GLG1: variants seen among roughly 807,000 people sequenced by gnomAD.
The protein encoded by GLG1 is golgi glycoprotein 1.
Under a neutral mutation model 160.5 loss-of-function variants are expected in GLG1, and 38 were observed. The ratio of observed to expected loss-of-function variants is 0.24; its 90% confidence interval spans 0.18 to 0.31. GLG1 has a LOEUF of 0.31. GLG1 is among the 10% of genes least tolerant of loss of function. The pLI, the probability that GLG1 is intolerant of heterozygous loss-of-function variation, is 1.00. For synonymous variants in GLG1, 644 were observed against 543.4 expected (o/e 1.19, Z -2.57); for missense variants, 1,373 against 1,505.2 (o/e 0.91, Z 1.45).
chr16:74,480,374 C>T lies in GLG1; in HGVS notation c.1694G>A (p.Arg565His), dbSNP rs750934371. The T allele has an allele frequency of 5.8e-5, 94 of 1,612,830 alleles. No individual in the cohort carries two copies. In the South Asian group the frequency reaches 6.7e-4, roughly 11 times the overall value. ...ACGAGAAGCGTCTCCCTGGCACTTGCGGTACAGGACAGGGTCCAGCCTATA... is the reference window on the plus strand; with the variant it reads ...ACGAGAAGCGTCTCCCTGGCACTTGTGGTACAGGACAGGGTCCAGCCTATA... ...RDWKLDPVLYRKCQGDASRLC... is the reference protein window; with the variant it reads ...RDWKLDPVLYHKCQGDASRLC... The change falls in exon 11 of 26, where the codon CGC becomes CAC. Residue 565 changes from arginine to histidine, a missense_variant. Arg to His is a conservative substitution (Grantham distance 29). Transcript: ENST00000422840.
At chr16:74,583,340 A>G (rs915511317) in intron 1 of GLG1, among the ~76,000 whole-genome samples, 1 of 152,200 alleles carries the variant, frequency 6.6e-6, no homozygotes, top group Non-Finnish European at 1.5e-5. Flanking sequence ...AATTCAGCAC[A>G]AATTACATAT....
At chr16:74,477,134 A>C (rs1387331057) in intron 12 of GLG1, among the ~76,000 whole-genome samples, 2 of 152,202 alleles carry the variant, frequency 1.3e-5, no homozygotes, top group Non-Finnish European at 2.9e-5. Flanking sequence ...AAGTTTTAAT[A>C]AGCAACAGGA....
chr16:74,469,266 G>C lies in GLG1; in HGVS notation c.2319-203C>G. The C allele has an allele frequency of 6.8e-6, 4 of 588,774 alleles. No homozygotes were observed. In the South Asian group the frequency reaches 8.0e-5, roughly 12 times the overall value. 36.5% of individuals were successfully genotyped at this position (588,774 alleles called of 1,614,324 possible). A position where few individuals can be genotyped will look rare whatever the true frequency, so the allele number is the denominator to read the frequency against. On this transcript the variant is annotated intron_variant, in intron 16 of 25. Transcript: ENST00000422840. ...TGTCATGAAAGGCAGGCAGCAGCAT[G>C]AATGCTGACTACATTCCTGACAGAA...
intron 2 of GLG1, among the ~76,000 whole-genome samples, chr16:74,511,430 T>A (rs901615710): frequency 6.6e-6 from 1 of 152,082 alleles, no homozygotes; most frequent in African/African-American, 2.4e-5. Flanking sequence ...GGTAGGTGGA[T>A]AACCTGAGGT....
At chr16:74,521,685 C>T (rs1378487760) in intron 2 of GLG1, among the ~76,000 whole-genome samples, 2 of 152,136 alleles carry the variant, frequency 1.3e-5, no homozygotes, top group African/African-American at 4.8e-5. Flanking sequence ...CAGCTAAAGT[C>T]TGAGGTTCTA....
At chr16:74,530,575 A>G (rs2017500974) in intron 2 of GLG1, among the ~76,000 whole-genome samples, 1 of 151,996 alleles carries the variant, frequency 6.6e-6, no homozygotes, top group Non-Finnish European at 1.5e-5. Context: ...TAGTTTTTTG[A>G]TCTATGGGCT....
chr16:74,493,861 T>C (rs2016088155), intron 6 of GLG1, among the ~76,000 whole-genome samples: 1 of 152,080 alleles, frequency 6.6e-6, no homozygotes, highest in Admixed American at 6.6e-5. Flanking sequence ...TAAAATTCTC[T>C]GATTTTACTC....
At chr16:74,514,141 G>C (rs921819372) in intron 2 of GLG1, among the ~76,000 whole-genome samples, 6 of 152,192 alleles carry the variant, frequency 3.9e-5, no homozygotes, top group African/African-American at 1.2e-4. Flanking sequence ...GGCACTATGT[G>C]AAAAGACCAA....
intron 7 of GLG1, among the ~76,000 whole-genome samples, chr16:74,492,183 G>A (rs1282474389): frequency 1.4e-5 from 2 of 147,038 alleles, no homozygotes; most frequent in African/African-American, 5.0e-5. Context: ...TCAGGAGATC[G>A]AGACTATCAT....
chr16:74,494,227 A>T (rs542056593), intron 6 of GLG1, among the ~76,000 whole-genome samples: 1 of 152,024 alleles, frequency 6.6e-6, no homozygotes, highest in South Asian at 2.1e-4. Context: ...CACCACAGTG[A>T]GAACCCTACT....
chr16:74,538,635 C>T (rs1477624756), intron 1 of GLG1, among the ~76,000 whole-genome samples: 1 of 152,034 alleles, frequency 6.6e-6, no homozygotes, highest in Admixed American at 6.6e-5. Context: ...TTCTGATTCA[C>T]TAAAGAGTTG....
chr16:74,454,972 C>T (rs1235732216), intron 25 of GLG1, among the ~76,000 whole-genome samples: 1 of 151,898 alleles, frequency 6.6e-6, no homozygotes, highest in African/African-American at 2.4e-5. Flanking sequence ...GGTGTGGTGG[C>T]GTGCACCTGT....
intron 1 of GLG1, among the ~76,000 whole-genome samples, chr16:74,589,430 A>T (rs1240686569): frequency 6.6e-6 from 1 of 152,186 alleles, no homozygotes; most frequent in Non-Finnish European, 1.5e-5. Flanking sequence ...GGCTGTGCTG[A>T]GGGAAGGGCA....
chr16:74,451,914 A>C lies in GLG1; in HGVS notation c.*1253T>G. On this transcript the variant is annotated 3_prime_UTR_variant, in exon 26 of 26. Coordinates refer to ENST00000422840, the MANE Select transcript of GLG1 (RefSeq NM_001145667.2). ...ACAACATTTAGCCAATGCCTACTAG[A>C]GTGGGTACACGCAGCAAATGGACAG... 4.5e-6 allele frequency: 3 copies of C among 660,848 alleles called. No homozygotes were observed. The highest frequency in any genetic ancestry group is 8.2e-6 in the Non-Finnish European group (3 of 365,006). The allele number at this position is 660,848 out of a possible 1,614,324, so 40.9% of individuals were successfully genotyped here.
chr16:74,553,418 A>G (rs2018261565), intron 1 of GLG1, among the ~76,000 whole-genome samples: 1 of 150,820 alleles, frequency 6.6e-6, no homozygotes, highest in Non-Finnish European at 1.5e-5. Flanking sequence ...AGTACATATT[A>G]GATAAATAAA....
chr16:74,459,831 C>A, intron 22 of GLG1, 42 bp from the exon 23 acceptor site: 1 of 925,260 alleles, frequency 1.1e-6, no homozygotes, highest in Non-Finnish European at 1.7e-6. Context: ...CCACTGAGCA[C>A]AGAAATGAAC....
At chr16:74,593,681 C>T (rs1035298894) in intron 1 of GLG1, among the ~76,000 whole-genome samples, 4 of 151,930 alleles carry the variant, frequency 2.6e-5, no homozygotes, top group Non-Finnish European at 4.4e-5. Flanking sequence ...GTGATCTGCC[C>T]GCCTCGGCCT....
rs1488339493 is a variant in GLG1 at position 74,539,763 on chromosome 16, G to T, written c.439-7610C>A. Among the ~76,000 whole-genome samples, 8 of 147,668 alleles carry T rather than the reference G, an allele frequency of 5.4e-5. No individual in the cohort carries two copies. The South Asian group carries it at 1.7e-3, about 31-fold the overall frequency. ...GTAACTCCTGACTCCCTGACAGAAA[G>T]ATCCATCTCTCTAGAGAAGATGCTC... On this transcript the variant is annotated intron_variant, in intron 1 of 25. Coordinates refer to ENST00000422840, the MANE Select transcript of GLG1 (RefSeq NM_001145667.2).
In GLG1 at chr16:74,460,814, G is replaced by A. The variant is rs954942649; in HGVS notation, c.3037-1025C>T. ...CTCAGGACTTGTCAAAAAGAAGGCT[G>A]CTACTTGATTCCACAGGAGCAAGGT... On this transcript the variant is annotated intron_variant, in intron 22 of 25. Transcript: ENST00000422840. Among the ~76,000 whole-genome samples, 6 of 152,206 alleles carry A rather than the reference G, an allele frequency of 3.9e-5. No individual in the cohort carries two copies. The East Asian group carries it at 9.6e-4, about 24-fold the overall frequency.
Sources: gnomAD v4.1 joint callset for allele counts (sites outside exome capture counted in the v4.1 genomes callset) on GRCh38, gnomAD v4.1.1 for gene constraint, MANE v1.5 for transcripts, NCBI Gene and HGNC (gene_info 2026-07-23, HGNC 2026-07-21) for gene names.